LRRTM4: variants seen among roughly 807,000 people sequenced by gnomAD.
The protein encoded by LRRTM4 is leucine rich repeat transmembrane neuronal 4.
LRRTM4 carries 25 observed loss-of-function variants against 47.6 expected under a neutral mutation model. That is an observed-to-expected ratio of 0.53 (90% confidence interval 0.38 to 0.73). LRRTM4 has a LOEUF of 0.73. Among genes scored for constraint, LRRTM4 ranks in the 30% least tolerant of loss-of-function variants. LRRTM4 has a pLI of 0.00. For missense variants in LRRTM4, 638 were observed against 713.4 expected, an observed-to-expected ratio of 0.89 and a Z score of 1.20; for synonymous variants, 311 against 269.5, an observed-to-expected ratio of 1.15 and a Z score of -1.51.
chr2:77,196,071 G>A (rs893949371), intron 3 of LRRTM4, among the ~76,000 whole-genome samples: 15 of 152,112 alleles, frequency 9.9e-5, no homozygotes, highest in Admixed American at 9.2e-4. Context: ...AGAAGAAGAT[G>A]TTTAACATTT....
intron 3 of LRRTM4, among the ~76,000 whole-genome samples, chr2:77,118,349 C>T (rs1671443247): frequency 6.6e-6 from 1 of 151,836 alleles, no homozygotes; most frequent in Non-Finnish European, 1.5e-5. Flanking sequence ...AAAGTATCTA[C>T]TTTTTTCACA....
intron 3 of LRRTM4, among the ~76,000 whole-genome samples, chr2:76,883,274 GC>G (rs1234217927): frequency 6.6e-6 from 1 of 152,096 alleles, no homozygotes; most frequent in East Asian, 1.9e-4. Flanking sequence ...GCTAGTATGA[GC>G]CCCTGAAGAT....
intron 3 of LRRTM4, among the ~76,000 whole-genome samples, chr2:77,055,108 TAG>T (rs981006058): frequency 2.0e-5 from 3 of 152,144 alleles, no homozygotes; most frequent in African/African-American, 4.8e-5. Context: ...CTCCGCTACT[TAG>T]AGTTACCACA....
chr2:76,786,563 C>T (rs188959468), intron 3 of LRRTM4, among the ~76,000 whole-genome samples: 2 of 152,010 alleles, frequency 1.3e-5, no homozygotes, highest in East Asian at 3.9e-4. Flanking sequence ...TTTTCTGCTA[C>T]CTTTTACCTA....
At chr2:77,109,837 AAC>A (rs1671201023) in intron 3 of LRRTM4, among the ~76,000 whole-genome samples, 1 of 152,122 alleles carries the variant, frequency 6.6e-6, no homozygotes, top group Non-Finnish European at 1.5e-5. Context: ...GAAATAAGAG[AAC>A]ATTTAGAACT....
chr2:77,305,639 A>G (rs970610939), intron 3 of LRRTM4, among the ~76,000 whole-genome samples: 36 of 152,238 alleles, frequency 2.4e-4, no homozygotes, highest in African/African-American at 7.7e-4. Context: ...TTGCATATCC[A>G]TGTGTTACTG....
At chr2:76,805,125 G>T (rs1459899368) in intron 3 of LRRTM4, among the ~76,000 whole-genome samples, 2 of 152,194 alleles carry the variant, frequency 1.3e-5, no homozygotes, top group Middle Eastern at 3.4e-3. Context: ...CATGGAGACA[G>T]GAATCAAGGC....
At chr2:76,768,809 ATC>A (rs1218951785) in intron 3 of LRRTM4, among the ~76,000 whole-genome samples, 2 of 152,286 alleles carry the variant, frequency 1.3e-5, no homozygotes, top group Admixed American at 6.5e-5. Context: ...TGAAATTAGG[ATC>A]TGATTCCTCC....
chr2:77,235,302 T>C (rs1675076110), intron 3 of LRRTM4, among the ~76,000 whole-genome samples: 2 of 152,160 alleles, frequency 1.3e-5, no homozygotes, highest in African/African-American at 4.8e-5. Context: ...TGAGCATTTT[T>C]TCATGTTTGT....
chr2:77,350,159 A>G (rs1271150928), intron 3 of LRRTM4, among the ~76,000 whole-genome samples: 1 of 147,780 alleles, frequency 6.8e-6, no homozygotes, highest in Non-Finnish European at 1.5e-5. Flanking sequence ...CGTCTCTACT[A>G]AAAAAAAATA....
chr2:76,773,327 GC>G (rs1673795879), intron 3 of LRRTM4, among the ~76,000 whole-genome samples: 1 of 152,142 alleles, frequency 6.6e-6, no homozygotes, highest in Non-Finnish European at 1.5e-5. Context: ...ACACTTTTCT[GC>G]CTTTGCTTCC....
intron 3 of LRRTM4, among the ~76,000 whole-genome samples, chr2:77,495,000 T>G (rs1022114338): frequency 6.6e-6 from 1 of 152,168 alleles, no homozygotes; most frequent in East Asian, 1.9e-4. Flanking sequence ...TATTGCTGAA[T>G]AGTATCCCAT....
intron 3 of LRRTM4, among the ~76,000 whole-genome samples, chr2:76,791,240 G>C (rs1208661139): frequency 6.6e-6 from 1 of 152,134 alleles, no homozygotes. Context: ...GTGACTCAAA[G>C]ACAGGTGGAA....
At chr2:77,017,487 C>T (rs1378316133) in intron 3 of LRRTM4, among the ~76,000 whole-genome samples, 4 of 152,062 alleles carry the variant, frequency 2.6e-5, no homozygotes, top group Admixed American at 2.0e-4. Flanking sequence ...TTAGCTGTAC[C>T]TCCTAAGGTC....
intron 3 of LRRTM4, among the ~76,000 whole-genome samples, chr2:76,933,725 C>T (rs1019582454): frequency 1.3e-5 from 2 of 151,956 alleles, no homozygotes; most frequent in Admixed American, 6.6e-5. Context: ...GGATCTGAGA[C>T]TGATGATTTA....
chr2:76,930,741 T>C (rs571900359), intron 3 of LRRTM4, among the ~76,000 whole-genome samples: 22 of 152,300 alleles, frequency 1.4e-4, no homozygotes, highest in East Asian at 7.7e-4. Flanking sequence ...GATAAAGTCA[T>C]GTGTCCTTCC....
intron 3 of LRRTM4, among the ~76,000 whole-genome samples, chr2:77,258,407 C>T (rs13385101): frequency 0.026 from 3,878 of 152,072 alleles, 67 homozygotes; most frequent in East Asian, 0.076. Flanking sequence ...TGAATGTACT[C>T]ATGCAATAAA....
chr2:76,908,155 G>A (rs1362867552), intron 3 of LRRTM4, among the ~76,000 whole-genome samples: 3 of 149,252 alleles, frequency 2.0e-5, no homozygotes, highest in Non-Finnish European at 4.5e-5. Flanking sequence ...ATGATCAAGT[G>A]GGCTTCATCC....
intron 3 of LRRTM4, among the ~76,000 whole-genome samples, chr2:77,045,558 T>C (rs946159932): frequency 2.0e-5 from 3 of 151,920 alleles, no homozygotes; most frequent in Non-Finnish European, 2.9e-5. Context: ...GGTAATTGAA[T>C]CGTGAGGGCA....
Sources: gnomAD v4.1 joint callset for allele counts (sites outside exome capture counted in the v4.1 genomes callset) on GRCh38, gnomAD v4.1.1 for gene constraint, MANE v1.5 for transcripts, NCBI Gene and HGNC (gene_info 2026-07-23, HGNC 2026-07-21) for gene names.